The following RIMS1 variants were observed in gnomAD, a reference collection of about 807,000 sequenced individuals.
RIMS1 encodes regulating synaptic membrane exocytosis protein 1.
Under a neutral mutation model 214.1 loss-of-function variants are expected in RIMS1, and 83 were observed. The observed-to-expected ratio is 0.39, with a 90% CI of 0.32 to 0.47. RIMS1 has a LOEUF of 0.47. Ranked by LOEUF, RIMS1 falls within the 20% of genes least tolerant of loss-of-function variation. RIMS1 has a pLI of 0.99. For synonymous variants in RIMS1, 793 were observed against 786.8 expected (o/e 1.01, Z -0.13); for missense variants, 2,050 against 2,161.8 (o/e 0.95, Z 1.03).
chr6:72,249,404 G>C (rs1419716264), intron 12 of RIMS1, among the ~76,000 whole-genome samples: 1 of 151,948 alleles, frequency 6.6e-6, no homozygotes, highest in Non-Finnish European at 1.5e-5. Flanking sequence ...AATATCATTT[G>C]GCCTTCTTGT....
rs1049747597 is a variant in RIMS1 at position 72,276,485 on chromosome 6, G to A, written c.3482+2053G>A. Among the ~76,000 whole-genome samples, 11 of 152,064 alleles carry A rather than the reference G, an allele frequency of 7.2e-5. No individual in the cohort carries two copies. In the East Asian group the frequency reaches 7.7e-4, roughly 11 times the overall value. ...ATGAATTATTCCATTTGATTGTCTC[G>A]ATAGTATATGTAACTATAAGAGTAG... On this transcript the variant is annotated intron_variant, in intron 23 of 33. Transcript: ENST00000521978.
chr6:72,393,730 G>GA (rs1035381482), intron 31 of RIMS1, among the ~76,000 whole-genome samples: 148 of 140,368 alleles, frequency 1.1e-3, no homozygotes, highest in East Asian at 3.5e-3. Context: ...CCGTCTCCAA[G>GA]AAAAAAAAAA....
chr6:72,143,123 T>C (rs992145368), intron 4 of RIMS1, among the ~76,000 whole-genome samples: 2 of 152,192 alleles, frequency 1.3e-5, no homozygotes, highest in Non-Finnish European at 2.9e-5. Context: ...TTATTTTTAA[T>C]TGAAAGCTGT....
intron 4 of RIMS1, among the ~76,000 whole-genome samples, chr6:72,118,497 A>C (rs4616959): frequency 0.36 from 53,723 of 151,142 alleles, 10,931 homozygotes; most frequent in Non-Finnish European, 0.44. Context: ...ACCCTAATAC[A>C]AAAACCAGGA....
chr6:72,043,078 C>T (rs899708773), intron 2 of RIMS1, among the ~76,000 whole-genome samples: 3 of 151,588 alleles, frequency 2.0e-5, no homozygotes, highest in African/African-American at 4.8e-5. Flanking sequence ...CCACTTGGTA[C>T]TAATTATAAT....
In RIMS1 at chr6:72,235,695, G is replaced by T. The variant is rs1269891300; in HGVS notation, c.1824G>T (p.Met608Ile). The change falls in exon 8 of 34, where the codon ATG (methionine) becomes ATT (isoleucine). Residue 608 changes from methionine (M) to isoleucine (I), a missense_variant. Around this residue, in one of 6 missense-constraint regions of RIMS1, gnomAD observed 882 missense variants for 828.9 expected, o/e 1.06. Coordinates refer to ENST00000521978, the MANE Select transcript of RIMS1 (RefSeq NM_014989.7). ...GRVILNKRTT[M>I]PKDSGALLGL... ...TTATTCTTAACAAGAGAACAACCAT[G>T]CCCAAAGACTCAGGTGCATTGCTGG... 2 of 1,608,452 alleles carry T rather than the reference G, an allele frequency of 1.2e-6. No homozygotes were observed.
chr6:72,064,395 A>G (rs947766743), intron 2 of RIMS1, among the ~76,000 whole-genome samples: 4 of 152,124 alleles, frequency 2.6e-5, no homozygotes, highest in Non-Finnish European at 5.9e-5. Flanking sequence ...GAACGAAGGA[A>G]GGAAGGAATT....
At chr6:72,039,415 A>G (rs561002228) in intron 2 of RIMS1, among the ~76,000 whole-genome samples, 75 of 152,264 alleles carry the variant, frequency 4.9e-4, no homozygotes, top group African/African-American at 1.7e-3. Context: ...TCATTTTGAC[A>G]GTATGAAGAA....
chr6:72,082,554 C>T (rs910256071), intron 2 of RIMS1, among the ~76,000 whole-genome samples: 2 of 152,174 alleles, frequency 1.3e-5, no homozygotes, highest in African/African-American at 4.8e-5. Context: ...GCTAGAACCA[C>T]TGGGCTCTGC....
intron 29 of RIMS1, among the ~76,000 whole-genome samples, chr6:72,369,664 G>A (rs965224706): frequency 1.3e-5 from 2 of 152,326 alleles, no homozygotes; most frequent in East Asian, 3.9e-4. Context: ...TCAAGTGATT[G>A]TAGACTGTAT....
intron 1 of RIMS1, among the ~76,000 whole-genome samples, chr6:71,892,392 C>T (rs546796484): frequency 3.9e-5 from 6 of 152,232 alleles, no homozygotes; most frequent in African/African-American, 1.2e-4. Flanking sequence ...TCTTCCTGAC[C>T]CTTTGCTCAT....
intron 2 of RIMS1, among the ~76,000 whole-genome samples, chr6:72,025,672 C>T (rs570592265): frequency 1.2e-4 from 19 of 152,178 alleles, no homozygotes; most frequent in African/African-American, 3.9e-4. Flanking sequence ...TATTGCTTCA[C>T]TCGCATAAAT....
At chr6:72,105,209 T>A (rs1255875096) in intron 4 of RIMS1, among the ~76,000 whole-genome samples, 1 of 152,194 alleles carries the variant, frequency 6.6e-6, no homozygotes, top group Non-Finnish European at 1.5e-5. Flanking sequence ...ACTGGAATTA[T>A]AAGTGTGAGC....
At chr6:72,151,389 A>G (rs1393066062) in intron 4 of RIMS1, among the ~76,000 whole-genome samples, 2 of 152,204 alleles carry the variant, frequency 1.3e-5, no homozygotes, top group Non-Finnish European at 2.9e-5. Flanking sequence ...ATCAGGATGA[A>G]AGTCTAAAGA....
chr6:71,929,183 C>T (rs898804864), intron 1 of RIMS1, among the ~76,000 whole-genome samples: 2 of 152,082 alleles, frequency 1.3e-5, no homozygotes, highest in African/African-American at 4.8e-5. Context: ...AGGGTACTCT[C>T]CATGAGAGCA....
intron 2 of RIMS1, among the ~76,000 whole-genome samples, chr6:72,035,354 A>C (rs1819338420): frequency 6.6e-6 from 1 of 152,154 alleles, no homozygotes; most frequent in African/African-American, 2.4e-5. Context: ...ATGTGATAAA[A>C]AGCTATAGTT....
intron 1 of RIMS1, among the ~76,000 whole-genome samples, chr6:71,953,663 A>G (rs1790322361): frequency 6.6e-6 from 1 of 152,156 alleles, no homozygotes; most frequent in African/African-American, 2.4e-5. Context: ...TCTTTCCTAA[A>G]TATAAAAACA....
At chr6:72,293,807 T>C (rs774469375) in intron 26 of RIMS1, among the ~76,000 whole-genome samples, 2 of 151,824 alleles carry the variant, frequency 1.3e-5, no homozygotes, top group Non-Finnish European at 3.0e-5. Context: ...TTACTGTTTA[T>C]GATATTCATA....
intron 5 of RIMS1, among the ~76,000 whole-genome samples, chr6:72,180,924 T>C (rs924884312): frequency 1.3e-5 from 2 of 152,244 alleles, no homozygotes; most frequent in African/African-American, 4.8e-5. Context: ...TGCAGGGTTG[T>C]GGCAGGTATT....
Sources: allele counts gnomAD v4.1 joint callset (sites outside exome capture counted in the v4.1 genomes callset), GRCh38; gene constraint gnomAD v4.1.1; regional missense constraint gnomAD v4.1.1; transcripts MANE v1.5; gene names NCBI Gene and HGNC (gene_info 2026-07-23, HGNC 2026-07-21).